The following ZFYVE28 variants were observed in gnomAD, a reference collection of about 807,000 sequenced individuals.
ZFYVE28 encodes lateral signaling target protein 2 homolog.
A neutral mutation model predicts 82.1 loss-of-function variants in ZFYVE28; 40 were observed. The ratio of observed to expected loss-of-function variants is 0.49; its 90% CI spans 0.38 to 0.63. The LOEUF (loss-of-function observed/expected upper bound fraction) is 0.63. ZFYVE28 is among the 30% of genes least tolerant of loss of function. The pLI, the probability that ZFYVE28 is intolerant of heterozygous loss-of-function variation, is 0.00. For synonymous variants in ZFYVE28, 612 were observed against 546.1 expected (o/e 1.12, Z -1.68); for missense variants, 1,321 against 1,242.1 (o/e 1.06, Z -0.96).
chr4:2,284,168 G>C (rs1007222916), intron 8 of ZFYVE28, among the ~76,000 whole-genome samples: 1 of 152,186 alleles, frequency 6.6e-6, no homozygotes, highest in African/African-American at 2.4e-5. Flanking sequence ...ACACAAGACC[G>C]GATTCACGTG....
At chr4:2,389,032 G>C (rs190422562) in intron 1 of ZFYVE28, among the ~76,000 whole-genome samples, 4 of 152,184 alleles carry the variant, frequency 2.6e-5, no homozygotes, top group South Asian at 2.1e-4. Context: ...TCTCCACTGT[G>C]GGGGAAGAAC....
chr4:2,387,066 G>GGGCCGGGGCCGC (rs1729340107), intron 1 of ZFYVE28, among the ~76,000 whole-genome samples: 1 of 151,712 alleles, frequency 6.6e-6, no homozygotes, highest in East Asian at 1.9e-4. Context: ...TCCGGGGCCG[G>GGGCCGGGGCCGC]GGCCGGGGCC....
rs193207570 is a variant in ZFYVE28, at chr4:2,311,475, G to A, written c.804-5939C>T. Among the ~76,000 whole-genome samples the A allele has an allele frequency of 4.5e-3, 680 of 152,182 alleles. 4 individuals are homozygous for A. Among genetic ancestry groups the A allele is most frequent in the African/African-American group, 0.015 (634 of 41,508 alleles). ...TGGGAGGCAGAGGCTGCAGTGAGCC[G>A]AGATCGCACCACTGTACTCCAGCCT... On this transcript the variant is annotated intron_variant, in intron 7 of 12. Transcript: ENST00000290974.
chr4:2,308,969 T>G (rs1282965718), intron 7 of ZFYVE28, among the ~76,000 whole-genome samples: 1 of 152,224 alleles, frequency 6.6e-6, no homozygotes, highest in Non-Finnish European at 1.5e-5. Flanking sequence ...ATCGTTAATT[T>G]GATTTATGCT....
chr4:2,375,782 C>T (rs181503619), intron 1 of ZFYVE28, among the ~76,000 whole-genome samples: 1 of 152,306 alleles, frequency 6.6e-6, no homozygotes, highest in African/African-American at 2.4e-5. Flanking sequence ...CCATGTGGGG[C>T]GATTGGAGCC....
chr4:2,372,338 G>A lies in ZFYVE28; in HGVS notation c.40-18265C>T, dbSNP rs188874877. Among the ~76,000 whole-genome samples the A allele has an allele frequency of 2.4e-3, 361 of 152,142 alleles. 5 individuals are homozygous for A. The Middle Eastern group carries it at 0.031, about 13-fold the overall frequency. On this transcript the variant is annotated intron_variant, in intron 1 of 12. Coordinates refer to ENST00000290974, the MANE Select transcript of ZFYVE28 (RefSeq NM_020972.3). This position sits in a 1 kb window ranked among gnomAD's most constrained non-coding sequence, Gnocchi z 5.2. ...CAGAGGCGTGTCTTCACAGCCCTAC[G>A]CTGCCTCCCCAGCCCTTCCATCGCC...
At chr4:2,365,034 G>T (rs1726698672) in intron 1 of ZFYVE28, among the ~76,000 whole-genome samples, 2 of 152,078 alleles carry the variant, frequency 1.3e-5, no homozygotes, top group Non-Finnish European at 1.5e-5. Flanking sequence ...GTGGGGGAGG[G>T]AGGTGGAGGG....
chr4:2,330,920 G>C, intron 6 of ZFYVE28: 1 of 1,535,242 alleles, frequency 6.5e-7, no homozygotes, highest in Non-Finnish European at 8.7e-7. Flanking sequence ...TCTGAGCAGG[G>C]CAGAGATGAC....
chr4:2,299,601 T>C (rs1451530737), intron 8 of ZFYVE28, among the ~76,000 whole-genome samples: 1 of 1,594 alleles, frequency 6.3e-4, no homozygotes, highest in African/African-American at 3.1e-3. Flanking sequence ...AGGGAGACCC[T>C]GTGGTTAAAA....
chr4:2,327,303 TATATATCG>T lies in ZFYVE28; in HGVS notation c.702-7040_702-7033del, dbSNP rs1239788029. ...ATATATATATATATATATATATATA[TATATATCG>T]AATAAAGTTGCCATCAAACAGTAAC... is the stretch of plus-strand genomic sequence containing the variant. On this transcript the variant is annotated intron_variant, in intron 6 of 12. Transcript: ENST00000290974. Among the ~76,000 whole-genome samples, 61 of 59,126 alleles carry T rather than the reference TATATATCG, an allele frequency of 1.0e-3. 2 individuals carry two copies. The highest frequency in any genetic ancestry group is 3.0e-3 in the African/African-American group (56 of 18,392). The allele number at this position is 59,126 out of a possible 152,430, so 38.8% of individuals were successfully genotyped here.
chr4:2,378,368 A>T (rs568053213), intron 1 of ZFYVE28, among the ~76,000 whole-genome samples: 11 of 152,304 alleles, frequency 7.2e-5, no homozygotes, highest in African/African-American at 2.6e-4. Flanking sequence ...TCGTTATCAT[A>T]ACTTATGGGA....
chr4:2,412,245 G>A (rs911723760), intron 1 of ZFYVE28, among the ~76,000 whole-genome samples: 1 of 152,138 alleles, frequency 6.6e-6, no homozygotes, highest in Non-Finnish European at 1.5e-5. Context: ...TGGAGGAACT[G>A]GAAGCTGTGA....
intron 1 of ZFYVE28, among the ~76,000 whole-genome samples, chr4:2,395,167 G>A (rs909730011): frequency 6.6e-6 from 1 of 151,850 alleles, no homozygotes; most frequent in Non-Finnish European, 1.5e-5. Context: ...CACGCCAGTC[G>A]TACCCTACTG....
intron 8 of ZFYVE28, among the ~76,000 whole-genome samples, chr4:2,301,694 G>A (rs1715551728): frequency 6.6e-6 from 1 of 152,002 alleles, no homozygotes; most frequent in South Asian, 2.1e-4. Context: ...AGATGTGCAG[G>A]CCCCAAACCA....
At chr4:2,364,621 CCT>C in intron 1 of ZFYVE28, 1 of 985,494 alleles carries the variant, frequency 1.0e-6, no homozygotes, top group Non-Finnish European at 1.2e-6. Flanking sequence ...CCGCCTGTCC[CCT>C]CTGATTAGCA....
At chr4:2,292,416 G>A (rs1713867587) in intron 8 of ZFYVE28, among the ~76,000 whole-genome samples, 1 of 152,154 alleles carries the variant, frequency 6.6e-6, no homozygotes, top group Non-Finnish European at 1.5e-5. Context: ...GGAATAGGAG[G>A]GCACAAGGGG....
intron 6 of ZFYVE28, among the ~76,000 whole-genome samples, chr4:2,327,299 TATATATATATCG>T (rs1480305239): frequency 7.0e-4 from 37 of 53,186 alleles, no homozygotes; most frequent in African/African-American, 2.0e-3. Context: ...TATATATATA[TATATATATATCG>T]AATAAAGTTG....
At chr4:2,357,717 T>C (rs1484556229) in intron 1 of ZFYVE28, among the ~76,000 whole-genome samples, 2 of 152,176 alleles carry the variant, frequency 1.3e-5, no homozygotes, top group Non-Finnish European at 2.9e-5. Context: ...CGAGACACCA[T>C]CTGGCCCAGC....
intron 1 of ZFYVE28, among the ~76,000 whole-genome samples, chr4:2,392,759 G>A (rs1729973031): frequency 1.3e-5 from 2 of 152,012 alleles, no homozygotes; most frequent in South Asian, 2.1e-4. Context: ...GAAACATTAC[G>A]TTCTCTTCAT....
Sources: gnomAD v4.1 joint callset for allele counts (sites outside exome capture counted in the v4.1 genomes callset) on GRCh38, gnomAD v4.1.1 for gene constraint, Gnocchi (gnomAD v3.1) non-coding constraint, MANE v1.5 for transcripts, NCBI Gene and HGNC (gene_info 2026-07-23, HGNC 2026-07-21) for gene names.